Variants in YES1 observed in about 807,000 individuals in gnomAD.
YES1 encodes tyrosine-protein kinase Yes.
Under a neutral mutation model 70.4 loss-of-function variants are expected in YES1, and 39 were observed. The observed-to-expected ratio is 0.55, with a 90% confidence interval of 0.43 to 0.72. YES1 has a LOEUF of 0.72. YES1 is among the 30% of genes least tolerant of loss of function. The probability of loss-of-function intolerance (pLI) is 0.00; values close to 1 mark genes in which losing one functional copy is unlikely to be tolerated. For synonymous variants in YES1, 198 were observed against 218.6 expected (o/e 0.91, Z 0.83); for missense variants, 495 against 644.8 (o/e 0.77, Z 2.52).
At chr18:728,233 G>A (rs1369306536) in intron 11 of YES1, among the ~76,000 whole-genome samples, 2 of 151,834 alleles carry the variant, frequency 1.3e-5, no homozygotes, top group Admixed American at 6.6e-5. Flanking sequence ...GGCTGAGGTG[G>A]GAGGATCACC....
intron 1 of YES1, among the ~76,000 whole-genome samples, chr18:772,166 T>G (rs1905189668): frequency 6.6e-6 from 1 of 151,384 alleles, no homozygotes; most frequent in African/African-American, 2.4e-5. Flanking sequence ...ATAGCTGGGA[T>G]TATAGGCATG....
At chr18:779,505 A>T (rs1001037632) in intron 1 of YES1, among the ~76,000 whole-genome samples, 5 of 152,154 alleles carry the variant, frequency 3.3e-5, no homozygotes, top group Admixed American at 6.5e-5. Flanking sequence ...CAAGATTTTT[A>T]AAAAATGTAT....
At chr18:732,456 AAC>A (rs1491476474) in intron 11 of YES1, among the ~76,000 whole-genome samples, 9,963 of 135,346 alleles carry the variant, frequency 0.074, 478 homozygotes, top group East Asian at 0.2. Flanking sequence ...AAAAAAAAAA[AAC>A]AAAACACCAA....
rs12607313 is a variant in YES1 at position 749,959 on chromosome 18, C to T, written c.371+1746G>A. Among the ~76,000 whole-genome samples the T allele has an allele frequency of 4.4e-3, 664 of 151,818 alleles. 5 individuals carry two copies. Among genetic ancestry groups the T allele is most frequent in the African/African-American group, 0.015 (605 of 41,388 alleles). ...TACATGTGGTTTATAACACATAAGC[C>T]GTCATTTTTTCAAAATTAATGTGAA... On this transcript the variant is annotated intron_variant, in intron 3 of 11. Coordinates refer to ENST00000314574, the MANE Select transcript of YES1 (RefSeq NM_005433.4).
At chr18:762,579 C>T (rs1245637755) in intron 1 of YES1, among the ~76,000 whole-genome samples, 2 of 152,104 alleles carry the variant, frequency 1.3e-5, no homozygotes, top group Non-Finnish European at 2.9e-5. Flanking sequence ...AAAGTCTCTT[C>T]CAAGTTCCAA....
At chr18:760,698 A>G (rs1006683292) in intron 1 of YES1, among the ~76,000 whole-genome samples, 34 of 152,236 alleles carry the variant, frequency 2.2e-4, no homozygotes, top group African/African-American at 7.0e-4. Flanking sequence ...AATATATAAA[A>G]GGCAGTTGCT....
At chr18:808,361 G>A (rs561451571) in intron 1 of YES1, among the ~76,000 whole-genome samples, 72 of 152,298 alleles carry the variant, frequency 4.7e-4, no homozygotes, top group Middle Eastern at 3.4e-3. Flanking sequence ...CTGCAGCTGA[G>A]CAATACTCAG....
At position 746,683 on chromosome 18, in the gene YES1, G is replaced by A. The variant is rs559894806; in HGVS notation, c.471-632C>T. ...AGAGCACCTATCATATACAAGGTAC[G>A]GTGTTAAGTGTTATAACATGAAAAT... On this transcript the variant is annotated intron_variant, in intron 4 of 11. Transcript: ENST00000314574. Among the ~76,000 whole-genome samples the A allele has an allele frequency of 3.9e-5, 6 of 152,236 alleles. No individual in the cohort carries two copies. In the South Asian group the frequency reaches 1.0e-3, roughly 26 times the overall value.
chr18:743,415 T>G lies in YES1; in HGVS notation c.725A>C (p.Glu242Ala). The change falls in exon 7 of 12, where the codon GAA (glutamate) becomes GCA (alanine). Residue 242 changes from glutamate (E) to alanine (A), a missense_variant and splice_region_variant. This residue lies in a region of YES1 where 385 missense variants were observed against 540.9 expected (regional missense o/e 0.71). Coordinates refer to ENST00000314574, the MANE Select transcript of YES1 (RefSeq NM_005433.4). ...CTTGTGGCATAAACCATCAGCATGT[T>G]CTAGATAAATGAATAAACTATACTG... Reference protein sequence around the residue: ...TLQKLVKHYTEHADGLCHKLT... With the variant: ...TLQKLVKHYTAHADGLCHKLT... 1 of 1,610,604 alleles carries G rather than the reference T, an allele frequency of 6.2e-7. No homozygotes were observed. The highest frequency in any genetic ancestry group is 8.5e-7 in the Non-Finnish European group (1 of 1,178,390).
intron 1 of YES1, among the ~76,000 whole-genome samples, chr18:796,685 G>C (rs1330500575): frequency 6.6e-6 from 1 of 152,156 alleles, no homozygotes; most frequent in African/African-American, 2.4e-5. Context: ...TTGAACCCGG[G>C]AGGTGGAGGT....
At chr18:783,390 A>AAC (rs34769090) in intron 1 of YES1, among the ~76,000 whole-genome samples, 1,928 of 149,864 alleles carry the variant, frequency 0.013, 19 homozygotes, top group East Asian at 0.025. Context: ...ATGTAGGGGA[A>AAC]ACACACACAC....
chr18:801,450 T>C (rs1906817591), intron 1 of YES1, among the ~76,000 whole-genome samples: 1 of 152,338 alleles, frequency 6.6e-6, no homozygotes, highest in East Asian at 1.9e-4. Context: ...GATGAGTCTG[T>C]ACCAAGATGT....
intron 1 of YES1, among the ~76,000 whole-genome samples, chr18:809,260 A>T (rs533698578): frequency 1.2e-4 from 19 of 152,142 alleles, no homozygotes; most frequent in South Asian, 4.2e-4. Flanking sequence ...TTATTTAGAA[A>T]TTTTTTCCCA....
At chr18:779,959 T>C (rs1598930418) in intron 1 of YES1, among the ~76,000 whole-genome samples, 1 of 151,172 alleles carries the variant, frequency 6.6e-6, no homozygotes, top group Non-Finnish European at 1.5e-5. Flanking sequence ...AGAGGCTGGG[T>C]GCAGTGGCTC....
intron 11 of YES1, among the ~76,000 whole-genome samples, chr18:731,532 A>C (rs760669400): frequency 6.6e-6 from 1 of 152,212 alleles, no homozygotes; most frequent in African/African-American, 2.4e-5. Flanking sequence ...AGTTTTTCCT[A>C]AAGATTAAAT....
intron 10 of YES1, among the ~76,000 whole-genome samples, chr18:733,554 T>A (rs1356049817): frequency 1.3e-5 from 2 of 151,392 alleles, no homozygotes; most frequent in Non-Finnish European, 2.9e-5. Flanking sequence ...GAGGCCGAGG[T>A]GAGTGGATCA....
At chr18:737,175 G>A in intron 9 of YES1, 1 of 470,226 alleles carries the variant, frequency 2.1e-6, no homozygotes, top group Non-Finnish European at 3.7e-6. Flanking sequence ...AACACTGGCT[G>A]GGTGCGGTGG....
intron 1 of YES1, among the ~76,000 whole-genome samples, chr18:763,321 T>C (rs1353640088): frequency 6.6e-6 from 1 of 152,148 alleles, no homozygotes; most frequent in Non-Finnish European, 1.5e-5. Flanking sequence ...GACAAAAGGA[T>C]GAATTATACA....
chr18:725,840 C>T (rs1311202835), intron 11 of YES1, among the ~76,000 whole-genome samples: 1 of 152,056 alleles, frequency 6.6e-6, no homozygotes, highest in Admixed American at 6.6e-5. Context: ...GCCGAGATTG[C>T]GCCATAGCAC....
Sources: allele counts gnomAD v4.1 joint callset (sites outside exome capture counted in the v4.1 genomes callset), GRCh38; gene constraint gnomAD v4.1.1; regional missense constraint gnomAD v4.1.1; transcripts MANE v1.5; gene names NCBI Gene and HGNC (gene_info 2026-07-23, HGNC 2026-07-21).